GRK5: variants seen among roughly 807,000 people sequenced by gnomAD.
GRK5 encodes the protein g protein-coupled receptor kinase GRK5.
In GRK5, 40 loss-of-function variants were observed where a neutral mutation model predicts 78.4. The observed-to-expected ratio is 0.51, with a 90% confidence interval of 0.40 to 0.66. The LOEUF (loss-of-function observed/expected upper bound fraction) is 0.66. GRK5 is among the 30% of genes least tolerant of loss of function. The pLI, the probability that GRK5 is intolerant of heterozygous loss-of-function variation, is 0.00. For synonymous variants in GRK5, 289 were observed against 296.8 expected (o/e 0.97, Z 0.27); for missense variants, 598 against 759.9 (o/e 0.79, Z 2.50).
At chr10:119,231,428 G>A (rs780225164) in intron 1 of GRK5, among the ~76,000 whole-genome samples, 10 of 152,022 alleles carry the variant, frequency 6.6e-5, no homozygotes, top group African/African-American at 9.7e-5. Context: ...TGCTGAGGCC[G>A]GGTGCAGTGG....
intron 11 of GRK5, among the ~76,000 whole-genome samples, chr10:119,442,779 G>C (rs1215055270): frequency 6.6e-6 from 1 of 152,244 alleles, no homozygotes; most frequent in Non-Finnish European, 1.5e-5. Context: ...TGGTGCTAGA[G>C]GGTCCTTTTC....
chr10:119,295,847 G>T (rs536154242), intron 1 of GRK5, among the ~76,000 whole-genome samples: 6 of 151,998 alleles, frequency 3.9e-5, no homozygotes, highest in African/African-American at 1.5e-4. Context: ...AAGGTGCAGC[G>T]TATACTGCTT....
intron 2 of GRK5, among the ~76,000 whole-genome samples, chr10:119,367,988 G>A (rs1000883063): frequency 5.9e-5 from 9 of 152,364 alleles, no homozygotes; most frequent in African/African-American, 2.2e-4. Context: ...GGAAGAGCCA[G>A]GTCTGCCTGG....
intron 1 of GRK5, among the ~76,000 whole-genome samples, chr10:119,226,774 T>G (rs1848748677): frequency 6.6e-6 from 1 of 151,500 alleles, no homozygotes; most frequent in Non-Finnish European, 1.5e-5. Context: ...GTTGGTCAGG[T>G]TGGTCTCAAA....
intron 4 of GRK5, among the ~76,000 whole-genome samples, chr10:119,404,671 G>A (rs140788424): frequency 3.0e-4 from 45 of 152,282 alleles, no homozygotes; most frequent in African/African-American, 1.1e-3. Flanking sequence ...CCCATGACCC[G>A]GTCTTCCTTT....
chr10:119,404,098 G>A (rs907197092), intron 4 of GRK5, among the ~76,000 whole-genome samples: 1 of 152,144 alleles, frequency 6.6e-6, no homozygotes, highest in Admixed American at 6.5e-5. Flanking sequence ...AGGAACTGCT[G>A]GGCTGTTCTT....
intron 6 of GRK5, among the ~76,000 whole-genome samples, chr10:119,429,879 C>G (rs1852780329): frequency 6.6e-6 from 1 of 152,092 alleles, no homozygotes; most frequent in Non-Finnish European, 1.5e-5. Flanking sequence ...TAAGCCATGC[C>G]CAGGACAGGA....
At chr10:119,341,067 T>C (rs930252721) in intron 2 of GRK5, among the ~76,000 whole-genome samples, 13 of 152,090 alleles carry the variant, frequency 8.5e-5, no homozygotes, top group Non-Finnish European at 1.9e-4. Context: ...CCCAGTGCAG[T>C]GTCCAGTCCC....
chr10:119,438,392 G>A (rs887773956), intron 9 of GRK5, among the ~76,000 whole-genome samples: 6 of 152,158 alleles, frequency 3.9e-5, no homozygotes, highest in Admixed American at 2.6e-4. Context: ...CCGACACGCA[G>A]CCCAGTTTGA....
intron 3 of GRK5, among the ~76,000 whole-genome samples, chr10:119,389,687 C>T (rs758814280): frequency 2.1e-4 from 32 of 152,134 alleles, no homozygotes; most frequent in Non-Finnish European, 3.8e-4. Flanking sequence ...AATTGATGGC[C>T]TCAAGGGGAA....
chr10:119,207,620 A>C lies in GRK5; in HGVS notation c.-298A>C. 3 of 293,728 alleles carry C rather than the reference A, an allele frequency of 1.0e-5. No homozygotes were observed. Among genetic ancestry groups the C allele is most frequent in the South Asian group, 2.8e-5 (1 of 36,110 alleles). 18.2% of individuals were successfully genotyped at this position (293,728 alleles called of 1,614,324 possible). Reference sequence around the variant, plus strand: ...TCCGAGGGAGCCGGAGGGGAGGAGAATGGAGTGACAGAGACACGCGGAGGG... The same window carrying C: ...TCCGAGGGAGCCGGAGGGGAGGAGACTGGAGTGACAGAGACACGCGGAGGG... On this transcript the variant is annotated 5_prime_UTR_variant, in exon 1 of 16. An upstream start codon of the reference 5' UTR is lost. Coordinates refer to ENST00000392870, the MANE Select transcript of GRK5 (RefSeq NM_005308.3).
chr10:119,345,171 T>C (rs1284427272), intron 2 of GRK5, among the ~76,000 whole-genome samples: 1 of 152,020 alleles, frequency 6.6e-6, no homozygotes, highest in East Asian at 1.9e-4. Context: ...GATTTCACCG[T>C]GTTAGCCAGG....
chr10:119,269,487 G>C (rs1411663701), intron 1 of GRK5, among the ~76,000 whole-genome samples: 3 of 152,074 alleles, frequency 2.0e-5, no homozygotes, highest in Non-Finnish European at 4.4e-5. Context: ...CCTGTTCAGA[G>C]AGCTTTGCGT....
At chr10:119,319,411 G>A (rs565131234) in intron 1 of GRK5, among the ~76,000 whole-genome samples, 1 of 152,360 alleles carries the variant, frequency 6.6e-6, no homozygotes, top group East Asian at 1.9e-4. Flanking sequence ...GTCCTCTGGT[G>A]CCTTCCCCAG....
chr10:119,309,778 A>C (rs552174878), intron 1 of GRK5, among the ~76,000 whole-genome samples: 4 of 152,192 alleles, frequency 2.6e-5, no homozygotes, highest in African/African-American at 9.6e-5. Flanking sequence ...CTTTGGGGGA[A>C]CGTTCTTAGG....
chr10:119,259,782 C>T (rs1368262706), intron 1 of GRK5, among the ~76,000 whole-genome samples: 1 of 152,200 alleles, frequency 6.6e-6, no homozygotes, highest in Non-Finnish European at 1.5e-5. Flanking sequence ...TTTTTAATTT[C>T]ATTTAATTTT....
chr10:119,397,000 G>A (rs1242906710), intron 4 of GRK5, among the ~76,000 whole-genome samples: 1 of 152,246 alleles, frequency 6.6e-6, no homozygotes, highest in Non-Finnish European at 1.5e-5. Flanking sequence ...CGGGATGCCT[G>A]CTTCTTGGGG....
At chr10:119,350,466 G>A (rs1164475545) in intron 2 of GRK5, among the ~76,000 whole-genome samples, 4 of 152,144 alleles carry the variant, frequency 2.6e-5, no homozygotes, top group Non-Finnish European at 4.4e-5. Flanking sequence ...CTCTGACACC[G>A]AGGCTGGATC....
At chr10:119,354,362 C>A (rs548573529) in intron 2 of GRK5, among the ~76,000 whole-genome samples, 1 of 150,490 alleles carries the variant, frequency 6.6e-6, no homozygotes. Flanking sequence ...CTAGACTTAT[C>A]CTACATAACT....
Sources: gnomAD v4.1 joint callset for allele counts (sites outside exome capture counted in the v4.1 genomes callset) on GRCh38, gnomAD v4.1.1 for gene constraint, MANE v1.5 for transcripts, NCBI Gene and HGNC (gene_info 2026-07-23, HGNC 2026-07-21) for gene names.